Variants in DLC1 observed in about 807,000 individuals in gnomAD.
The protein encoded by DLC1 is rho GTPase-activating protein 7.
DLC1 carries 54 observed loss-of-function variants against 140.3 expected under a neutral mutation model. The observed-to-expected ratio is 0.38, with a 90% CI of 0.31 to 0.48. DLC1 has a LOEUF of 0.48. Ranked by LOEUF, DLC1 falls within the 20% of genes least tolerant of loss-of-function variation. DLC1 has a pLI of 0.96. For missense variants in DLC1, 2,536 were observed against 1,907.0 expected, an observed-to-expected ratio of 1.33 and a Z score of -6.14; for synonymous variants, 986 against 728.1, an observed-to-expected ratio of 1.35 and a Z score of -5.70.
chr8:13,154,195 A>G (rs377390227), intron 5 of DLC1, among the ~76,000 whole-genome samples: 34 of 152,242 alleles, frequency 2.2e-4, no homozygotes, highest in African/African-American at 8.2e-4. Context: ...ATCCCGTGCC[A>G]GGGCCGCACC....
chr8:13,583,292 T>C (rs1247341242), intron 1 of DLC1, among the ~76,000 whole-genome samples: 1 of 152,178 alleles, frequency 6.6e-6, no homozygotes. Flanking sequence ...TTATGGAATA[T>C]TCCAAATCCA....
At chr8:13,128,121 G>A (rs935326950) in intron 5 of DLC1, among the ~76,000 whole-genome samples, 18 of 151,854 alleles carry the variant, frequency 1.2e-4, no homozygotes, top group African/African-American at 3.9e-4. Flanking sequence ...TTTCCACTGT[G>A]TCTTGGCTTC....
intron 4 of DLC1, among the ~76,000 whole-genome samples, chr8:13,363,387 T>A (rs964847383): frequency 8.9e-5 from 13 of 145,680 alleles, no homozygotes; most frequent in South Asian, 2.2e-4. Context: ...TTTTTTTTTT[T>A]AAACTTTATG....
intron 7 of DLC1, among the ~76,000 whole-genome samples, chr8:13,108,016 G>C (rs1224835490): frequency 6.6e-6 from 1 of 152,134 alleles, no homozygotes; most frequent in Non-Finnish European, 1.5e-5. Context: ...CTGTACTCCA[G>C]CCTGAGCGAC....
chr8:13,248,218 T>C (rs768268069), intron 5 of DLC1, among the ~76,000 whole-genome samples: 3 of 152,216 alleles, frequency 2.0e-5, no homozygotes, highest in Non-Finnish European at 4.4e-5. Context: ...TCTGTACCAT[T>C]GACATCATAT....
intron 4 of DLC1, among the ~76,000 whole-genome samples, chr8:13,325,449 TACACACACACAC>T (rs1554497506): frequency 1.3e-4 from 5 of 38,258 alleles, no homozygotes; most frequent in African/African-American, 3.0e-4. Context: ...TAGTTCTGTA[TACACACACACAC>T]ACACACACAC....
intron 4 of DLC1, among the ~76,000 whole-genome samples, chr8:13,308,351 A>C (rs1234534046): frequency 6.6e-6 from 1 of 152,250 alleles, no homozygotes; most frequent in Non-Finnish European, 1.5e-5. Flanking sequence ...AGGATAGTCA[A>C]AGTGTAGTAT....
At chr8:13,343,998 G>T (rs1470504176) in intron 4 of DLC1, among the ~76,000 whole-genome samples, 1 of 151,934 alleles carries the variant, frequency 6.6e-6, no homozygotes, top group Non-Finnish European at 1.5e-5. Context: ...CATTTGCTCT[G>T]AGAAACTGGC....
chr8:13,132,609 G>C (rs1351892127), intron 5 of DLC1, among the ~76,000 whole-genome samples: 1 of 152,150 alleles, frequency 6.6e-6, no homozygotes, highest in East Asian at 1.9e-4. Context: ...TCGAGCCAGA[G>C]CCGCGAGCCC....
At chr8:13,535,748 A>G (rs2117317473) in intron 1 of DLC1, among the ~76,000 whole-genome samples, 1 of 151,580 alleles carries the variant, frequency 6.6e-6, no homozygotes, top group South Asian at 2.1e-4. Flanking sequence ...AGAGATTATC[A>G]TCTAAGTCAT....
chr8:13,383,976 C>A (rs1836391601), intron 4 of DLC1, among the ~76,000 whole-genome samples: 1 of 152,198 alleles, frequency 6.6e-6, no homozygotes, highest in South Asian at 2.1e-4. Context: ...GCATAACAAC[C>A]CCCTCTTAAT....
rs181184098 is a variant in DLC1, at chr8:13,099,705, T to C, written c.2632A>G (p.Ile878Val). The change falls in exon 9 of 18, where the codon ATC becomes GTC. Residue 878 changes from isoleucine to valine, a missense_variant. Transcript: ENST00000276297. ...ATGGAGCCCGGCACGTTGTCGTAGA[T>C]GCTCAGGCGGCTGCTCATGGAGCTG... ...SSSSMSSRLSIYDNVPGSILY... is the reference protein window; with the variant it reads ...SSSSMSSRLSVYDNVPGSILY... The C allele has an allele frequency of 3.1e-6, 5 of 1,614,190 alleles. No homozygotes were observed. In the East Asian group the frequency reaches 6.7e-5, roughly 22 times the overall value.
At chr8:13,458,531 G>GA (rs1799518114) in intron 2 of DLC1, among the ~76,000 whole-genome samples, 1 of 152,054 alleles carries the variant, frequency 6.6e-6, no homozygotes, top group African/African-American at 2.4e-5. Flanking sequence ...GTTGGCATTT[G>GA]AAAAAACTCC....
intron 2 of DLC1, among the ~76,000 whole-genome samples, chr8:13,457,569 C>T (rs940630180): frequency 7.1e-6 from 1 of 141,394 alleles, no homozygotes; most frequent in South Asian, 2.4e-4. Flanking sequence ...CCGAGCTACT[C>T]GGGAGGCTGA....
intron 5 of DLC1, among the ~76,000 whole-genome samples, chr8:13,158,947 C>G (rs1824478847): frequency 6.6e-6 from 1 of 152,036 alleles, no homozygotes. Flanking sequence ...CCCTGAGCCC[C>G]TGAACCTTTG....
At chr8:13,492,241 C>T (rs1048386047) in intron 2 of DLC1, among the ~76,000 whole-genome samples, 8 of 152,018 alleles carry the variant, frequency 5.3e-5, no homozygotes, top group Non-Finnish European at 1.0e-4. Flanking sequence ...CTCTGGTCAT[C>T]ACCTGATGTT....
At chr8:13,225,411 A>G (rs927920217) in intron 5 of DLC1, among the ~76,000 whole-genome samples, 1 of 152,066 alleles carries the variant, frequency 6.6e-6, no homozygotes, top group Non-Finnish European at 1.5e-5. Flanking sequence ...GGGAGGGCAA[A>G]TATCTCATTC....
At chr8:13,170,602 C>T (rs761680148) in intron 5 of DLC1, among the ~76,000 whole-genome samples, 6 of 151,856 alleles carry the variant, frequency 4.0e-5, no homozygotes, top group South Asian at 2.1e-4. Context: ...TGGTGGCGGG[C>T]ACCTGTAGTC....
At chr8:13,201,368 TC>T (rs1160886360) in intron 5 of DLC1, among the ~76,000 whole-genome samples, 1 of 152,188 alleles carries the variant, frequency 6.6e-6, no homozygotes, top group Non-Finnish European at 1.5e-5. Flanking sequence ...ATTGTAAAGA[TC>T]ACTTTGAGTG....
Sources: allele counts gnomAD v4.1 joint callset (sites outside exome capture counted in the v4.1 genomes callset), GRCh38; gene constraint gnomAD v4.1.1; transcripts MANE v1.5; gene names NCBI Gene and HGNC (gene_info 2026-07-23, HGNC 2026-07-21).